Variants in CNIH3 observed in about 807,000 individuals in gnomAD.
CNIH3 encodes the protein protein cornichon homolog 3.
A neutral mutation model predicts 24.1 loss-of-function variants in CNIH3; 14 were observed. That is an observed-to-expected ratio of 0.58 (90% CI 0.38 to 0.91). The LOEUF (loss-of-function observed/expected upper bound fraction) is 0.91. CNIH3 is among the 40% of genes least tolerant of loss of function. CNIH3 has a pLI of 0.00. For missense variants in CNIH3, 178 were observed against 196.8 expected (o/e 0.90, Z 0.57); for synonymous variants, 68 against 73.8 (o/e 0.92, Z 0.40).
rs1429922930 is a variant in CNIH3, at chr1:224,506,277, G to GCA, written n.204-9463_204-9462insAC. ...CACTCATATGCACGCACACGCGCGC[G>GCA]CGCGCGCGCGCACACACACACACAC... On this transcript the variant is annotated intron_variant and non_coding_transcript_variant, in intron 1 of 5. Coordinates refer to the CNIH3 transcript ENST00000471578. Among the ~76,000 whole-genome samples the GCA allele has an allele frequency of 1.7e-3, 82 of 48,404 alleles. No individual in the cohort carries two copies. In the East Asian group the frequency reaches 0.024, roughly 14 times the overall value. 31.8% of individuals were successfully genotyped at this position (48,404 alleles called of 152,430 possible). A position where few individuals can be genotyped will look rare whatever the true frequency, so the allele number is the denominator to read the frequency against.
intron 1 of CNIH3, among the ~76,000 whole-genome samples, chr1:224,488,332 AT>A (rs940096810): frequency 2.0e-5 from 3 of 151,756 alleles, no homozygotes; most frequent in East Asian, 1.9e-4. Context: ...AGCTCTGTCA[AT>A]TTTTTTTCCC....
rs1680206100 is a variant in CNIH3 at position 224,557,880 on chromosome 1, T to C, written n.451-8319T>C. 2.6e-5 allele frequency among the ~76,000 whole-genome samples: 4 copies of C among 152,218 alleles called. No individual in the cohort carries two copies. In the South Asian group the frequency reaches 8.3e-4, roughly 32 times the overall value. ...CCCTGGCACATACACATAATCCTAT[T>C]CAGTCCTTACCACAGTCATCTGTAG... is the stretch of plus-strand genomic sequence containing the variant. On this transcript the variant is annotated intron_variant and non_coding_transcript_variant, in intron 3 of 5. Coordinates refer to the CNIH3 transcript ENST00000471578.
intron 3 of CNIH3, among the ~76,000 whole-genome samples, chr1:224,690,263 C>T (rs1420927838): frequency 6.6e-6 from 1 of 152,154 alleles, no homozygotes; most frequent in East Asian, 1.9e-4. Context: ...TGCAGTGGCA[C>T]GATCTCGGCT....
rs1688760861 is a variant in CNIH3 at position 224,722,239 on chromosome 1, G to A, written c.199-8223G>A. Among the ~76,000 whole-genome samples, 4 of 152,102 alleles carry A rather than the reference G, an allele frequency of 2.6e-5. No homozygotes were observed. The South Asian group carries it at 6.2e-4, about 24-fold the overall frequency. ...TGTTATGGCCCGGTGACCCTTGTAC[G>A]CTTTTCATACCTTGGGTCTGTGAAT... On this transcript the variant is annotated intron_variant, in intron 3 of 5. Coordinates refer to ENST00000272133, the MANE Select transcript of CNIH3 (RefSeq NM_152495.2).
rs1013762567 is a variant in CNIH3 at position 224,703,656 on chromosome 1, A to G, written c.198+18813A>G. On this transcript the variant is annotated intron_variant, in intron 3 of 5. Coordinates refer to ENST00000272133, the MANE Select transcript of CNIH3 (RefSeq NM_152495.2). This position sits in a 1 kb window ranked among gnomAD's most constrained non-coding sequence, Gnocchi z 4.2. ...CTGGTTGCCTCTTTCAAGCCTCCCTACCCAGTTCTTGAGCTAAGAATAGAG... is the reference window on the plus strand; with the variant it reads ...CTGGTTGCCTCTTTCAAGCCTCCCTGCCCAGTTCTTGAGCTAAGAATAGAG... Among the ~76,000 whole-genome samples, 2 of 152,040 alleles carry G rather than the reference A, an allele frequency of 1.3e-5. No homozygotes were observed. The highest frequency in any genetic ancestry group is 2.4e-5 in the African/African-American group (1 of 41,378).
intron 2 of CNIH3, among the ~76,000 whole-genome samples, chr1:224,522,246 C>A (rs1678664399): frequency 6.6e-6 from 1 of 152,132 alleles, no homozygotes; most frequent in African/African-American, 2.4e-5. Flanking sequence ...AAAAGAAGTC[C>A]TTTCTCTTTT....
intron 1 of CNIH3, among the ~76,000 whole-genome samples, chr1:224,477,310 G>A (rs560339156): frequency 1.3e-4 from 20 of 152,300 alleles, no homozygotes; most frequent in South Asian, 4.1e-4. Context: ...AGTGGGACGC[G>A]CAAGCTAGTC....
rs1404459877 is a variant in CNIH3 at position 224,703,526 on chromosome 1, C to T, written c.198+18683C>T. On this transcript the variant is annotated intron_variant, in intron 3 of 5. Coordinates refer to ENST00000272133, the MANE Select transcript of CNIH3 (RefSeq NM_152495.2). This position sits in a 1 kb window ranked among gnomAD's most constrained non-coding sequence, Gnocchi z 4.2. The stretch of plus-strand genomic sequence containing the variant: ...TTGGAAAAATCAGTGCCCTAGGGAG[C>T]ATTTTGCAGTGTTAGTTATCATGGT... Among the ~76,000 whole-genome samples, 1 of 152,090 alleles carries T rather than the reference C, an allele frequency of 6.6e-6. No homozygotes were observed. The highest frequency in any genetic ancestry group is 2.4e-5 in the African/African-American group (1 of 41,406).
chr1:224,455,284 C>A (rs1675601502), intron 1 of CNIH3, among the ~76,000 whole-genome samples: 1 of 152,134 alleles, frequency 6.6e-6, no homozygotes, highest in Non-Finnish European at 1.5e-5. Flanking sequence ...GTAAGCTGAA[C>A]CATCATAGGT....
intron 1 of CNIH3, among the ~76,000 whole-genome samples, chr1:224,457,170 G>A (rs1572277882): frequency 2.0e-5 from 3 of 152,284 alleles, no homozygotes; most frequent in African/African-American, 7.2e-5. Context: ...TCAGTGGGAA[G>A]TGAGTAAGAG....
chr1:224,617,282 C>T, intron 1 of CNIH3, 27 bp downstream of exon 1: 1 of 1,607,358 alleles, frequency 6.2e-7, no homozygotes, highest in Non-Finnish European at 8.5e-7. Flanking sequence ...GGTCTCTCTT[C>T]TTTCGCCCCA....
rs12121558 is a variant in CNIH3 at position 224,645,047 on chromosome 1, T to A, written c.81+27792T>A. Among the ~76,000 whole-genome samples the A allele has an allele frequency of 3.3e-5, 5 of 152,158 alleles. No individual in the cohort carries two copies. The South Asian group carries it at 6.2e-4, about 19-fold the overall frequency. On this transcript the variant is annotated intron_variant, in intron 1 of 5. Transcript: ENST00000272133. The stretch of plus-strand genomic sequence containing the variant: ...ATAGAGGCTGCCTCACCACTGGGAG[T>A]GGCGAACAGTGTGAATCTCTGCTGG...
At chr1:224,727,631 T>A (rs556742549) in intron 3 of CNIH3, among the ~76,000 whole-genome samples, 54 of 152,126 alleles carry the variant, frequency 3.5e-4, no homozygotes, top group Non-Finnish European at 6.6e-4. Flanking sequence ...ATGGCTATGG[T>A]GCAGGCCTCA....
At chr1:224,562,081 T>C (rs1231570801) in intron 3 of CNIH3, among the ~76,000 whole-genome samples, 2 of 152,338 alleles carry the variant, frequency 1.3e-5, no homozygotes, top group Non-Finnish European at 2.9e-5. Flanking sequence ...ATAATGACAC[T>C]ATTTCTATGC....
At chr1:224,441,374 C>A (rs1674906064) in intron 1 of CNIH3, among the ~76,000 whole-genome samples, 1 of 152,152 alleles carries the variant, frequency 6.6e-6, no homozygotes, top group Admixed American at 6.5e-5. Flanking sequence ...CATCTCTGCA[C>A]ACACCCACCC....
At chr1:224,440,867 A>G (rs1460934685) in intron 1 of CNIH3, among the ~76,000 whole-genome samples, 1 of 149,724 alleles carries the variant, frequency 6.7e-6, no homozygotes, top group Non-Finnish European at 1.5e-5. Context: ...CCCAGGCTGG[A>G]GTGCAGTGGC....
chr1:224,682,481 G>A (rs910533675), intron 2 of CNIH3, among the ~76,000 whole-genome samples: 7 of 152,130 alleles, frequency 4.6e-5, no homozygotes, highest in South Asian at 2.1e-4. Flanking sequence ...AAATAGAGAC[G>A]AACTCTTTCA....
rs114940765 is a variant in CNIH3, at chr1:224,507,251, G to T, written n.204-8490G>T. On this transcript the variant is annotated intron_variant and non_coding_transcript_variant, in intron 1 of 5. Transcript: ENST00000471578. ...GAATTGTAGCAACCCAGAAAAGAGC[G>T]GTGCACGAGGCCAGGTGTTGTTAAG... Among the ~76,000 whole-genome samples, 1,278 of 152,218 alleles carry T rather than the reference G, an allele frequency of 8.4e-3. 16 individuals are homozygous for T. Among genetic ancestry groups the T allele is most frequent in the African/African-American group, 0.029 (1,193 of 41,532 alleles).
rs1377619940 is a variant in CNIH3 at position 224,654,153 on chromosome 1, G to A, written c.82-26805G>A. On this transcript the variant is annotated intron_variant, in intron 1 of 5. Transcript: ENST00000272133. ...TCCCAACACTTTGGGAGGCCAAGGC[G>A]GGCGGATCACCTGAGGTCAGGAGTT... Among the ~76,000 whole-genome samples the A allele has an allele frequency of 5.9e-5, 9 of 151,924 alleles. No individual in the cohort carries two copies. The South Asian group carries it at 8.3e-4, about 14-fold the overall frequency.
Sources: allele counts gnomAD v4.1 joint callset (sites outside exome capture counted in the v4.1 genomes callset), GRCh38; gene constraint gnomAD v4.1.1; non-coding constraint Gnocchi (gnomAD v3.1); transcripts MANE v1.5; gene names NCBI Gene and HGNC (gene_info 2026-07-23, HGNC 2026-07-21).